MLLT1: variants seen among roughly 807,000 people sequenced by gnomAD.
MLLT1 encodes the protein protein ENL.
MLLT1 carries 11 observed loss-of-function variants against 55.1 expected under a neutral mutation model. That is an observed-to-expected ratio of 0.20 (90% CI 0.13 to 0.33). MLLT1 has a LOEUF of 0.33. Among genes scored for constraint, MLLT1 ranks in the 10% least tolerant of loss-of-function variants. MLLT1 has a pLI of 1.00. For synonymous variants in MLLT1, 323 were observed against 320.1 expected (o/e 1.01, Z -0.10); for missense variants, 536 against 760.6 (o/e 0.70, Z 3.47).
Position 6,211,269 on chromosome 19 carries a change from G to A in MLLT1, c.*1773C>T, listed in dbSNP as rs943949634. ...TGGCCGCCCTGGGAAGGGGAGAGGG[G>A]GCACAGGGGCCTGCCCTCTTCCTGA... On this transcript the variant is annotated 3_prime_UTR_variant, in exon 12 of 12. Transcript: ENST00000252674. This position sits in a 1 kb window ranked among gnomAD's most constrained non-coding sequence, Gnocchi z 4.6. 1.3e-5 allele frequency: 3 copies of A among 232,660 alleles called. No homozygotes were observed. Among genetic ancestry groups the A allele is most frequent in the African/African-American group, 2.2e-5 (1 of 45,274 alleles). 14.4% of individuals were successfully genotyped at this position (232,660 alleles called of 1,614,324 possible). A position where few individuals can be genotyped will look rare whatever the true frequency, so the allele number is the denominator to read the frequency against.
intron 8 of MLLT1, among the ~76,000 whole-genome samples, chr19:6,214,833 G>A (rs925194741): frequency 1.3e-5 from 2 of 152,198 alleles, no homozygotes; most frequent in African/African-American, 4.8e-5. Flanking sequence ...GCCAGAAGCG[G>A]CTCGAGCACA....
chr19:6,250,247 CA>C (rs2144916706), intron 3 of MLLT1, among the ~76,000 whole-genome samples: 1 of 152,212 alleles, frequency 6.6e-6, no homozygotes, highest in African/African-American at 2.4e-5. Flanking sequence ...TCAGTAAAAA[CA>C]GACAAAAAAC....
intron 2 of MLLT1, among the ~76,000 whole-genome samples, chr19:6,265,047 AACAAAAAAAC>A (rs56274901): frequency 0.53 from 44,892 of 84,792 alleles, 10,448 homozygotes; most frequent in East Asian, 0.64. Flanking sequence ...GCAAAAAAAA[AACAAAAAAAC>A]AAAAAAACAA....
chr19:6,241,441 A>T (rs1227434721), intron 3 of MLLT1, among the ~76,000 whole-genome samples: 1 of 152,152 alleles, frequency 6.6e-6, no homozygotes, highest in Non-Finnish European at 1.5e-5. Flanking sequence ...GCCTCAGAGA[A>T]GCCAGGAAAG....
Position 6,228,468 on chromosome 19 carries a change from C to T in MLLT1, c.421-1366G>A, listed in dbSNP as rs78261450. ...GTGCTGCCAGGAGGACCAGGCTCCC[C>T]GGCGGAAACACAGACCCTCAGCCAT... On this transcript the variant is annotated intron_variant, in intron 4 of 11. Transcript: ENST00000252674. 2.1e-3 allele frequency among the ~76,000 whole-genome samples: 321 copies of T among 152,222 alleles called. 5 individuals are homozygous for T. In the East Asian group the frequency reaches 0.032, roughly 15 times the overall value.
At chr19:6,277,905 G>C (rs118157619) in intron 1 of MLLT1, among the ~76,000 whole-genome samples, 3,173 of 152,262 alleles carry the variant, frequency 0.021, 50 homozygotes, top group Middle Eastern at 0.051. Context: ...CTCACACCAC[G>C]CCGTGGAAAT....
intron 8 of MLLT1, 48 bp from the exon 9 acceptor site, chr19:6,214,086 C>T: frequency 8.3e-7 from 1 of 1,199,556 alleles, no homozygotes. Flanking sequence ...CCACCACGGC[C>T]CCCACCCCAC....
chr19:6,248,424 G>A (rs902887510), intron 3 of MLLT1, among the ~76,000 whole-genome samples: 3 of 152,224 alleles, frequency 2.0e-5, no homozygotes, highest in Non-Finnish European at 2.9e-5. Flanking sequence ...ACAACCAGTG[G>A]AGAAACCTGG....
At chr19:6,214,827 G>C (rs1260225282) in intron 8 of MLLT1, among the ~76,000 whole-genome samples, 1 of 152,228 alleles carries the variant, frequency 6.6e-6, no homozygotes, top group African/African-American at 2.4e-5. Context: ...GGAGGTGCCA[G>C]AAGCGGCTCG....
At chr19:6,252,600 T>C (rs1395384828) in intron 3 of MLLT1, among the ~76,000 whole-genome samples, 2 of 152,110 alleles carry the variant, frequency 1.3e-5, no homozygotes, top group African/African-American at 2.4e-5. Context: ...CAGAGCGAAA[T>C]GTACAGCTGT....
chr19:6,211,981 G>A lies in MLLT1; in HGVS notation c.*1061C>T, dbSNP rs2090777446. ...ACCCACCGGGCCTGCTGATGGCCGA[G>A]CCCACGCTCGAGGGGCTGACCAGAG... On this transcript the variant is annotated 3_prime_UTR_variant, in exon 12 of 12. Coordinates refer to ENST00000252674, the MANE Select transcript of MLLT1 (RefSeq NM_005934.4). The surrounding 1 kb of genome is among the most constrained non-coding windows in gnomAD (Gnocchi z 4.6). The A allele has an allele frequency of 1.9e-6, 2 of 1,065,328 alleles. No individual in the cohort carries two copies. Among genetic ancestry groups the A allele is most frequent in the African/African-American group, 3.3e-5 (2 of 60,996 alleles). 66.0% of individuals were successfully genotyped at this position (1,065,328 alleles called of 1,614,324 possible). A position where few individuals can be genotyped will look rare whatever the true frequency, so the allele number is the denominator to read the frequency against.
At chr19:6,260,254 T>C (rs958619518) in intron 3 of MLLT1, among the ~76,000 whole-genome samples, 3 of 152,060 alleles carry the variant, frequency 2.0e-5, no homozygotes, top group African/African-American at 7.2e-5. Flanking sequence ...GGCCCCCGGC[T>C]CCCTTTATCT....
At chr19:6,269,818 C>T (rs562080383) in intron 2 of MLLT1, among the ~76,000 whole-genome samples, 1 of 152,336 alleles carries the variant, frequency 6.6e-6, no homozygotes, top group South Asian at 2.1e-4. Context: ...TTTATCAAGA[C>T]ATCACCCAAG....
At chr19:6,275,371 G>A (rs954286275) in intron 1 of MLLT1, among the ~76,000 whole-genome samples, 6 of 152,186 alleles carry the variant, frequency 3.9e-5, no homozygotes, top group Admixed American at 1.3e-4. Flanking sequence ...ACACGTGCAC[G>A]TGTGTGAGCC....
chr19:6,269,923 C>T (rs1042188516), intron 2 of MLLT1, among the ~76,000 whole-genome samples: 4 of 152,286 alleles, frequency 2.6e-5, no homozygotes, highest in Middle Eastern at 3.4e-3. Flanking sequence ...GCCCTGATGG[C>T]GCTCACCAGA....
chr19:6,214,360 G>A (rs903587036), intron 8 of MLLT1, among the ~76,000 whole-genome samples: 1 of 152,194 alleles, frequency 6.6e-6, no homozygotes, highest in Non-Finnish European at 1.5e-5. Context: ...TGGTTCTGTG[G>A]CTTTAACAAG....
In MLLT1 at chr19:6,240,506, G is replaced by C. The variant is rs991642100; in HGVS notation, c.277-9793C>G. Among the ~76,000 whole-genome samples the C allele has an allele frequency of 1.3e-5, 2 of 152,240 alleles. No individual in the cohort carries two copies. The highest frequency in any genetic ancestry group is 2.4e-5 in the African/African-American group (1 of 41,462). ...CTCAGCGTCCTCACCTGTGAAGTGG[G>C]AAAGGCAGAACCCACCCCATATACA... On this transcript the variant is annotated intron_variant, in intron 3 of 11. Coordinates refer to ENST00000252674, the MANE Select transcript of MLLT1 (RefSeq NM_005934.4). The surrounding 1 kb of genome is among the most constrained non-coding windows in gnomAD (Gnocchi z 4.7).
rs2144838462 is a variant in MLLT1, at chr19:6,212,952, C to T, written c.*90G>A. The T allele has an allele frequency of 1.7e-5, 25 of 1,506,484 alleles. No homozygotes were observed. Among genetic ancestry groups the T allele is most frequent in the South Asian group, 7.3e-5 (6 of 81,926 alleles). The allele number at this position is 1,506,484 out of a possible 1,614,324, so 93.3% of individuals were successfully genotyped here. A position where few individuals can be genotyped will look rare whatever the true frequency, so the allele number is the denominator to read the frequency against. ...CAGGGCTGTCGCTAAGGCAGTGCTG[C>T]GGGCAGGCGAGACGGGAGAGGAGGG... On this transcript the variant is annotated 3_prime_UTR_variant, in exon 12 of 12. Transcript: ENST00000252674.
chr19:6,226,934 G>A lies in MLLT1; in HGVS notation c.546+43C>T, dbSNP rs1600180595. 6.6e-7 allele frequency: 1 copy of A among 1,505,336 alleles called. No homozygotes were observed. The highest frequency in any genetic ancestry group is 1.3e-5 in the South Asian group (1 of 76,346). 93.2% of individuals were successfully genotyped at this position (1,505,336 alleles called of 1,614,324 possible). Reference sequence around the variant, plus strand: ...GCCGGGGCCAGACCCACCACAGCTGGGCCCCGGCGCTCCCACGCGACTGGG... The same window carrying A: ...GCCGGGGCCAGACCCACCACAGCTGAGCCCCGGCGCTCCCACGCGACTGGG... On this transcript the variant is annotated intron_variant, in intron 5 of 11. Transcript: ENST00000252674. This position sits in a 1 kb window ranked among gnomAD's most constrained non-coding sequence, Gnocchi z 6.3.
Sources: allele counts gnomAD v4.1 joint callset (sites outside exome capture counted in the v4.1 genomes callset), GRCh38; gene constraint gnomAD v4.1.1; non-coding constraint Gnocchi (gnomAD v3.1); transcripts MANE v1.5; gene names NCBI Gene and HGNC (gene_info 2026-07-23, HGNC 2026-07-21).